The following HCFC1 variants were observed in gnomAD, a reference collection of about 807,000 sequenced individuals.
HCFC1 encodes host cell factor C1.
In HCFC1, 7 loss-of-function variants were observed where a neutral mutation model predicts 105.5. The observed-to-expected ratio is 0.07, with a 90% CI of 0.04 to 0.12. HCFC1 has a LOEUF of 0.12. Among genes scored for constraint, HCFC1 ranks in the 10% least tolerant of loss-of-function variants. The pLI is 1.00. For missense variants in HCFC1, 1,065 were observed against 1,823.6 expected, an observed-to-expected ratio of 0.58 and a Z score of 7.58; for synonymous variants, 918 against 828.1, an observed-to-expected ratio of 1.11 and a Z score of -1.86.
intron 13 of HCFC1, 88 bp from the exon 14 acceptor site, chrX:153,957,148 C>T: frequency 1.9e-6 from 2 of 1,063,333 alleles, no homozygotes; most frequent in Admixed American, 2.4e-5. Flanking sequence ...CCACAAGTCA[C>T]AGCCATAGCC....
intron 3 of HCFC1, 74 bp downstream of exon 3, chrX:153,964,050 A>G (rs968957824): frequency 1.4e-5 from 13 of 939,940 alleles, no homozygotes; most frequent in Non-Finnish European, 1.6e-5. Context: ...CACATTCTTT[A>G]GGACACCATG....
intron 1 of HCFC1, among the ~76,000 whole-genome samples, chrX:153,966,037 G>A (rs902989214): frequency 1.8e-5 from 2 of 110,840 alleles, no homozygotes; most frequent in African/African-American, 6.6e-5. Context: ...GGGAGACCCC[G>A]TCTCTACAAA....
rs782802374 is a variant in HCFC1 at position 153,971,126 on chromosome X, G to C, written c.-286C>G. On this transcript the variant is annotated 5_prime_UTR_variant, in exon 1 of 26. Coordinates refer to ENST00000310441, the MANE Select transcript of HCFC1 (RefSeq NM_005334.3). ...TCCCGTCGCCCCGACTACTTGTCCG[G>C]GCGCTCCCGCTTACAAGCTCGGGCG... The C allele has an allele frequency of 1.4e-5, 5 of 344,931 alleles. No homozygotes were observed. The allele number at this position is 344,931 out of a possible 1,213,427, so 28.4% of individuals were successfully genotyped here. A position where few individuals can be genotyped will look rare whatever the true frequency, so the allele number is the denominator to read the frequency against.
chrX:153,960,638 C>G (rs1470060374), intron 6 of HCFC1, among the ~76,000 whole-genome samples: 18 of 112,663 alleles, frequency 1.6e-4, no homozygotes, highest in African/African-American at 4.5e-4. Flanking sequence ...ATGAGAAACA[C>G]AGTCAGAGGT....
rs1470301186 is a variant in HCFC1 at position 153,950,382 on chromosome X, G to A, written c.5865C>T (p.Pro1955=). 1 of 1,210,878 alleles carries A rather than the reference G, an allele frequency of 8.3e-7. No individual in the cohort carries two copies. The highest frequency in any genetic ancestry group is 3.0e-5 in the East Asian group (1 of 33,815). The change falls in exon 24 of 26, where the codon CCC becomes CCT. Residue 1955 remains proline (P), a synonymous_variant. Coordinates refer to ENST00000310441, the MANE Select transcript of HCFC1 (RefSeq NM_005334.3). The part of the protein sequence containing the change: ...QLAFMRVYCG[P]SPSCLVQSSS... ...AGGACTGCACCAGGCAGGAGGGGCT[G>A]GGCCCGCAGTACACCCGCATGAAGG...
At chrX:153,951,216 T>C in intron 22 of HCFC1, 134 bp downstream of exon 22, 1 of 762,291 alleles carries the variant, frequency 1.3e-6, no homozygotes, top group Non-Finnish European at 2.0e-6. Flanking sequence ...GGGGGGATGG[T>C]CTCTGCCCAC....
At chrX:153,962,140 C>T in intron 5 of HCFC1, 82 bp downstream of exon 5, 1 of 756,536 alleles carries the variant, frequency 1.3e-6, no homozygotes, top group African/African-American at 2.1e-5. Flanking sequence ...TAGGGTCTGA[C>T]AGGACAAAAC....
chrX:153,952,878 G>A lies in HCFC1; in HGVS notation c.4578C>T (p.Ala1526=). 1.7e-6 allele frequency: 2 copies of A among 1,183,277 alleles called. No individual in the cohort carries two copies. Among genetic ancestry groups the A allele is most frequent in the Non-Finnish European group, 2.3e-6 (2 of 882,265 alleles). ...PRQLLQSAST[A]LMGESAEVLS... is the part of the protein sequence containing the mutation. ...GGACCTCGGCGGACTCCCCCATCAG[G>A]GCTGTGGAAGCCGACTGCAGAAGCT... The change falls in exon 19 of 26, where the codon GCC becomes GCT. Residue 1526 remains alanine (A), a synonymous_variant. Coordinates refer to ENST00000310441, the MANE Select transcript of HCFC1 (RefSeq NM_005334.3).
chrX:153,955,729 C>T (rs782036464), intron 16 of HCFC1, among the ~76,000 whole-genome samples, 187 bp from the exon 17 acceptor site: 2 of 112,290 alleles, frequency 1.8e-5, no homozygotes, highest in East Asian at 2.8e-4. Flanking sequence ...GAAGAGGCAC[C>T]ACTTTGCCTC....
chrX:153,964,020 G>A (rs1170455405), intron 3 of HCFC1, 104 bp downstream of exon 3: 9 of 697,344 alleles, frequency 1.3e-5, no homozygotes, highest in Non-Finnish European at 1.6e-5. Flanking sequence ...AAAGGGACCC[G>A]GCCACGGGGC....
chrX:153,950,642 T>G, intron 23 of HCFC1, 99 bp from the exon 24 acceptor site: 4 of 898,752 alleles, frequency 4.5e-6, no homozygotes, highest in Non-Finnish European at 6.2e-6. Flanking sequence ...ACAGTAGAGA[T>G]ATTCCATGTG....
At chrX:153,952,479 C>T (rs782590043) in intron 19 of HCFC1, 35 bp downstream of exon 19, 17 of 1,117,570 alleles carry the variant, frequency 1.5e-5, no homozygotes, top group East Asian at 6.1e-5. Flanking sequence ...CTCCCCCGAG[C>T]GGCCCGGCTT....
chrX:153,952,638 C>G lies in HCFC1; in HGVS notation c.4818G>C (p.Gly1606=). ...QAGTTTLMVT[G]LTPEELAVTA... ...TCACTGCCAGCTCCTCGGGGGTGAG[C>G]CCCGTTACCATGAGGGTGGTGGTGC... Residue 1606 remains glycine (G), a synonymous_variant, in exon 19 of 26, where the codon GGG becomes GGC. Coordinates refer to ENST00000310441, the MANE Select transcript of HCFC1 (RefSeq NM_005334.3). The G allele has an allele frequency of 8.3e-7, 1 of 1,211,228 alleles. No individual in the cohort carries two copies. The highest frequency in any genetic ancestry group is 1.1e-6 in the Non-Finnish European group (1 of 895,237).
At position 153,955,378 on chromosome X, in the gene HCFC1, G is replaced by A; in HGVS notation, c.3021C>T (p.Gly1007=). The A allele has an allele frequency of 8.3e-7, 1 of 1,211,173 alleles. No homozygotes were observed. The highest frequency in any genetic ancestry group is 1.1e-6 in the Non-Finnish European group (1 of 894,978). ...GGTTGGAGCACACCAAGGTGACAGT[G>A]CCAGGCTGCACATCACCCTGGCCTG... ...ADSGQGDVQP[G]TVTLVCSNPP... Residue 1007 remains glycine (G), a synonymous_variant, in exon 17 of 26, where the codon GGC becomes GGT. Transcript: ENST00000310441.
At chrX:153,964,865 C>T (rs2065460610) in intron 1 of HCFC1, 139 bp from the exon 2 acceptor site, 2 of 572,850 alleles carry the variant, frequency 3.5e-6, no homozygotes, top group Admixed American at 5.3e-5. Context: ...ACTCCAGCTG[C>T]GCTACCTGGG....
chrX:153,952,268 G>A (rs1012555848), intron 19 of HCFC1, 110 bp from the exon 20 acceptor site: 18 of 1,056,511 alleles, frequency 1.7e-5, no homozygotes, highest in Non-Finnish European at 2.2e-5. Flanking sequence ...ACCTCCTACC[G>A]TGCTCCACTG....
intron 19 of HCFC1, 48 bp downstream of exon 19, chrX:153,952,466 T>C (rs782140100): frequency 4.6e-6 from 5 of 1,097,681 alleles, no homozygotes; most frequent in Middle Eastern, 3.4e-4. Flanking sequence ...CCGCGGCCTA[T>C]TGCTCCCCCG....
At position 153,955,340 on chromosome X, in the gene HCFC1, G is replaced by A. The variant is rs782091268; in HGVS notation, c.3059C>T (p.Thr1020Ile). The part of the protein sequence containing the change: ...TLVCSNPPCE[T>I]HETGTTNTAT... ...CGTGTTGGTGGTGCCAGTCTCGTGG[G>A]TCTCACAGGGTGGGTTGGAGCACAC... Residue 1020 changes from threonine (T) to isoleucine (I), a missense_variant, in exon 17 of 26, where the codon ACC (threonine) becomes ATC (isoleucine). By Grantham distance (89) the Thr-to-Ile change is moderately conservative. Transcript: ENST00000310441. 1 of 1,211,870 alleles carries A rather than the reference G, an allele frequency of 8.3e-7. No individual in the cohort carries two copies. The highest frequency in any genetic ancestry group is 1.7e-5 in the African/African-American group (1 of 58,004).
chrX:153,950,734 GCCCCC>G (rs377247620), intron 23 of HCFC1, 74 bp downstream of exon 23: 1 of 963,216 alleles, frequency 1.0e-6, no homozygotes, highest in African/African-American at 2.0e-5. Flanking sequence ...GCTCTCCTAT[GCCCCC>G]CCCCGGCCAC....
Sources: allele counts gnomAD v4.1 joint callset (sites outside exome capture counted in the v4.1 genomes callset), GRCh38; gene constraint gnomAD v4.1.1; transcripts MANE v1.5; gene names NCBI Gene and HGNC (gene_info 2026-07-23, HGNC 2026-07-21).